Variants in UNC13C observed in about 807,000 individuals in gnomAD.
The protein encoded by UNC13C is protein unc-13 homolog C.
In UNC13C, 174 loss-of-function variants were observed where a neutral mutation model predicts 245.4. That is an observed-to-expected ratio of 0.71 (90% confidence interval 0.63 to 0.80). The LOEUF is 0.80. Among genes scored for constraint, UNC13C ranks in the 30% least tolerant of loss-of-function variants. UNC13C has a pLI of 0.00. For missense variants in UNC13C, 2,829 were observed against 2,602.9 expected (o/e 1.09, Z -1.89); for synonymous variants, 992 against 895.1 (o/e 1.11, Z -1.93).
At chr15:54,416,714 T>G in intron 19 of UNC13C, among the ~76,000 whole-genome samples, 1 of 152,148 alleles carries the variant, frequency 6.6e-6, no homozygotes, top group East Asian at 1.9e-4. Flanking sequence ...CCACCCTACT[T>G]GAAAGTCTAT....
At chr15:54,281,753 T>C (rs370405079) in intron 10 of UNC13C, among the ~76,000 whole-genome samples, 54 of 152,320 alleles carry the variant, frequency 3.5e-4, no homozygotes, top group African/African-American at 1.2e-3. Context: ...TATTATGAGG[T>C]AGGTATCATT....
chr15:54,373,017 C>T (rs1452813402), intron 17 of UNC13C, among the ~76,000 whole-genome samples: 1 of 152,176 alleles, frequency 6.6e-6, no homozygotes, highest in Non-Finnish European at 1.5e-5. Flanking sequence ...TAGAAGCTGA[C>T]TCAGCCAGTC....
In UNC13C at chr15:53,978,491, C is replaced by CA. The variant is rs904355165; in HGVS notation, c.-692dup. Among the ~76,000 whole-genome samples, 6 of 152,192 alleles carry CA rather than the reference C, an allele frequency of 3.9e-5. No individual in the cohort carries two copies. Among genetic ancestry groups the CA allele is most frequent in the African/African-American group, 1.4e-4 (6 of 41,458 alleles). On this transcript the variant is annotated 5_prime_UTR_variant, in exon 1 of 33. The change abolishes the stop of an existing upstream ORF in the 5' untranslated region. Coordinates refer to ENST00000260323, the MANE Select transcript of UNC13C (RefSeq NM_001080534.3). Reference sequence around the variant, plus strand: ...ATGTGTGAAGTTCCCAGCACGCACTCAGCCCGGCTGCTCCTCACCCTCAAA... The same window carrying CA: ...ATGTGTGAAGTTCCCAGCACGCACTCAAGCCCGGCTGCTCCTCACCCTCAAA...
intron 2 of UNC13C, among the ~76,000 whole-genome samples, chr15:54,048,169 A>G (rs894406314): frequency 6.6e-6 from 1 of 152,196 alleles, no homozygotes; most frequent in Non-Finnish European, 1.5e-5. Context: ...AAATATAAGC[A>G]TGGCATGTAG....
At chr15:54,321,513 C>A in intron 13 of UNC13C, 2 of 473,808 alleles carry the variant, frequency 4.2e-6, no homozygotes, top group South Asian at 3.1e-5. Context: ...AACCCAAAGC[C>A]CCTGGAGTGC....
intron 19 of UNC13C, among the ~76,000 whole-genome samples, chr15:54,488,351 A>C (rs1314280337): frequency 3.9e-5 from 6 of 152,166 alleles, no homozygotes; most frequent in African/African-American, 1.4e-4. Flanking sequence ...CAGACCATTC[A>C]TATTACCACC....
the UNC13C span, among the ~76,000 whole-genome samples, chr15:53,902,671 A>G: frequency 6.6e-6 from 1 of 152,196 alleles, no homozygotes; most frequent in Non-Finnish European, 1.5e-5. Context: ...ATAAGGGGGT[A>G]TATAATTCAT....
At chr15:54,598,851 G>T (rs1899242082) in intron 30 of UNC13C, among the ~76,000 whole-genome samples, 1 of 152,054 alleles carries the variant, frequency 6.6e-6, no homozygotes, top group Non-Finnish European at 1.5e-5. Context: ...TTGTACTGAG[G>T]CACAAATACG....
chr15:54,545,002 C>G (rs755398483), intron 26 of UNC13C, among the ~76,000 whole-genome samples: 5 of 152,072 alleles, frequency 3.3e-5, no homozygotes, highest in Non-Finnish European at 7.4e-5. Flanking sequence ...CAATCCTAAG[C>G]AAAAAGAACA....
At chr15:54,157,290 T>C (rs1335934207) in intron 4 of UNC13C, among the ~76,000 whole-genome samples, 2 of 152,226 alleles carry the variant, frequency 1.3e-5, no homozygotes, top group Non-Finnish European at 2.9e-5. Context: ...AAATCTTGAC[T>C]CTATTGCTTA....
At chr15:54,246,455 A>G (rs2035995556) in intron 7 of UNC13C, among the ~76,000 whole-genome samples, 2 of 149,888 alleles carry the variant, frequency 1.3e-5, no homozygotes, top group South Asian at 2.1e-4. Flanking sequence ...CGTCCTGTCT[A>G]TACATAAAAA....
the UNC13C span, among the ~76,000 whole-genome samples, chr15:53,951,020 G>A: frequency 6.6e-6 from 1 of 152,088 alleles, no homozygotes; most frequent in African/African-American, 2.4e-5. Context: ...AAGAATATGG[G>A]GAGATGAAGC....
the UNC13C span, among the ~76,000 whole-genome samples, chr15:53,953,884 G>A: frequency 6.6e-6 from 1 of 152,246 alleles, no homozygotes; most frequent in Non-Finnish European, 1.5e-5. Context: ...GCACAGTCCA[G>A]ACCTGCTTGT....
chr15:54,532,902 A>G lies in UNC13C; in HGVS notation c.5547-15A>G, dbSNP rs544004022. The stretch of plus-strand genomic sequence containing the variant: ...TGTATTCTTATATTTTAGAATTTAT[A>G]TTCTTTATTTTTAGTTTCCAGGTTA... On this transcript the variant is annotated splice_polypyrimidine_tract_variant and intron_variant, in intron 25 of 32. Transcript: ENST00000260323. 41 of 1,452,432 alleles carry G rather than the reference A, an allele frequency of 2.8e-5. No homozygotes were observed. The African/African-American group carries it at 5.3e-4, about 19-fold the overall frequency. The allele number at this position is 1,452,432 out of a possible 1,614,324, so 90.0% of individuals were successfully genotyped here.
In UNC13C at chr15:54,546,719, C is replaced by A; in HGVS notation, c.5697-3C>A. 6.9e-7 allele frequency: 1 copy of A among 1,451,570 alleles called. No individual in the cohort carries two copies. Among genetic ancestry groups the A allele is most frequent in the South Asian group, 1.5e-5 (1 of 67,148 alleles). 89.9% of individuals were successfully genotyped at this position (1,451,570 alleles called of 1,614,324 possible). On this transcript the variant is annotated splice_region_variant and splice_polypyrimidine_tract_variant and intron_variant, in intron 26 of 32. Transcript: ENST00000260323. ...TGAATATATATATATATTTTTTTTTCAGATTAAGTCTCTCAGCAAAAATCT... is the reference window on the plus strand; with the variant it reads ...TGAATATATATATATATTTTTTTTTAAGATTAAGTCTCTCAGCAAAAATCT...
At chr15:54,167,500 CAAAAAAAAA>C (rs67762910) in intron 4 of UNC13C, among the ~76,000 whole-genome samples, 10 of 90,648 alleles carry the variant, frequency 1.1e-4, no homozygotes, top group Admixed American at 1.3e-4. Context: ...ACACTCGTCT[CAAAAAAAAA>C]AAAAAAAAAA....
At chr15:54,345,767 T>G (rs1207399233) in intron 17 of UNC13C, among the ~76,000 whole-genome samples, 1 of 152,122 alleles carries the variant, frequency 6.6e-6, no homozygotes, top group Non-Finnish European at 1.5e-5. Flanking sequence ...AGCTCCCCAT[T>G]TACTCAGAGG....
chr15:54,012,840 C>T lies in UNC13C; in HGVS notation c.-64C>T. ...AACAGTGATGCTTGCCTTGGATTTT[C>T]AGGTTTTCATCCTGATACTTGTTTA... On this transcript the variant is annotated 5_prime_UTR_variant, in exon 2 of 33. It introduces an in-frame stop codon into an upstream open reading frame of the 5' UTR. Coordinates refer to ENST00000260323, the MANE Select transcript of UNC13C (RefSeq NM_001080534.3). The T allele has an allele frequency of 1.5e-6, 2 of 1,308,634 alleles. No homozygotes were observed. The highest frequency in any genetic ancestry group is 2.1e-6 in the Non-Finnish European group (2 of 944,526). The allele number at this position is 1,308,634 out of a possible 1,614,324, so 81.1% of individuals were successfully genotyped here. A position where few individuals can be genotyped will look rare whatever the true frequency, so the allele number is the denominator to read the frequency against.
chr15:54,587,958 G>A (rs1193106538), intron 30 of UNC13C, among the ~76,000 whole-genome samples: 2 of 152,182 alleles, frequency 1.3e-5, no homozygotes, highest in African/African-American at 4.8e-5. Flanking sequence ...AGTTTCAGAT[G>A]AGACTAACAT....
Sources: allele counts gnomAD v4.1 joint callset (sites outside exome capture counted in the v4.1 genomes callset), GRCh38; gene constraint gnomAD v4.1.1; transcripts MANE v1.5; gene names NCBI Gene and HGNC (gene_info 2026-07-23, HGNC 2026-07-21).